The following POU2F1 variants were observed in gnomAD, a reference collection of about 807,000 sequenced individuals.
POU2F1 encodes the protein POU domain, class 2, transcription factor 1.
In POU2F1, 16 loss-of-function variants were observed where a neutral mutation model predicts 84.9. The ratio of observed to expected loss-of-function variants is 0.19; its 90% CI spans 0.13 to 0.29. The LOEUF (loss-of-function observed/expected upper bound fraction) is 0.29. Ranked by LOEUF, POU2F1 falls within the 10% of genes least tolerant of loss-of-function variation. POU2F1 has a pLI of 1.00. For missense variants in POU2F1, 738 were observed against 942.6 expected (o/e 0.78, Z 2.84); for synonymous variants, 368 against 368.3 (o/e 1.00, Z 0.01).
At chr1:167,309,327 T>C (rs1655299699) in intron 1 of POU2F1, among the ~76,000 whole-genome samples, 1 of 152,218 alleles carries the variant, frequency 6.6e-6, no homozygotes, top group Admixed American at 6.5e-5. Context: ...ATTGACTTTA[T>C]ACCAAAACTT....
chr1:167,408,888 TC>T (rs1649767601), intron 13 of POU2F1, among the ~76,000 whole-genome samples: 1 of 152,246 alleles, frequency 6.6e-6, no homozygotes, highest in South Asian at 2.1e-4. Flanking sequence ...CATTTAAAAA[TC>T]TAAGTTGTTT....
intron 1 of POU2F1, among the ~76,000 whole-genome samples, chr1:167,306,728 T>A (rs755243047): frequency 1.3e-5 from 2 of 152,180 alleles, no homozygotes; most frequent in African/African-American, 2.4e-5. Context: ...GTTCCATCCC[T>A]CTCTTCTTGT....
intron 9 of POU2F1, among the ~76,000 whole-genome samples, chr1:167,394,277 T>TCTAA (rs914041500): frequency 2.5e-4 from 38 of 152,270 alleles, no homozygotes; most frequent in African/African-American, 9.1e-4. Context: ...CGCCTGGGCC[T>TCTAA]CTTAAAGTGC....
intron 2 of POU2F1, among the ~76,000 whole-genome samples, chr1:167,335,374 G>A (rs1433842584): frequency 6.6e-6 from 1 of 152,158 alleles, no homozygotes; most frequent in African/African-American, 2.4e-5. Context: ...ATTTGTGTAT[G>A]TTTATAGGTC....
chr1:167,290,792 C>T (rs914956990), intron 1 of POU2F1, among the ~76,000 whole-genome samples: 2 of 152,102 alleles, frequency 1.3e-5, no homozygotes, highest in Non-Finnish European at 2.9e-5. Context: ...CCTGTAATCC[C>T]AACACTGGGA....
At chr1:167,380,510 G>T (rs1162050476) in intron 7 of POU2F1, 1 of 152,224 alleles carries the variant, frequency 6.6e-6, no homozygotes, top group Admixed American at 6.5e-5. Flanking sequence ...TTAGTCGTAT[G>T]TGACCTAGAT....
rs1376569708 is a variant in POU2F1, at chr1:167,425,265, C to G, written c.*9455C>G. On this transcript the variant is annotated 3_prime_UTR_variant, in exon 16 of 16. Transcript: ENST00000367866. Reference sequence around the variant, plus strand: ...TTTGTTTTGTTTTTCAAATTTCCAGCCAAAACCAAAGATTTCTTAATGATT... The same window carrying G: ...TTTGTTTTGTTTTTCAAATTTCCAGGCAAAACCAAAGATTTCTTAATGATT... The G allele has an allele frequency of 6.6e-6, 1 of 151,864 alleles. No homozygotes were observed. Among genetic ancestry groups the G allele is most frequent in the African/African-American group, 2.4e-5 (1 of 41,330 alleles). 9.4% of individuals were successfully genotyped at this position (151,864 alleles called of 1,614,324 possible).
chr1:167,363,389 A>G (rs1659469999), intron 2 of POU2F1, among the ~76,000 whole-genome samples: 1 of 152,156 alleles, frequency 6.6e-6, no homozygotes, highest in Non-Finnish European at 1.5e-5. Flanking sequence ...TTTTTCCTCC[A>G]GTTTTATTGA....
chr1:167,225,996 A>T (rs1245492983), intron 1 of POU2F1, among the ~76,000 whole-genome samples: 1 of 152,254 alleles, frequency 6.6e-6, no homozygotes. Context: ...GATTTTAAGC[A>T]GGAATGTGTT....
intron 2 of POU2F1, among the ~76,000 whole-genome samples, chr1:167,363,246 C>A (rs563688873): frequency 7.9e-4 from 121 of 152,208 alleles, no homozygotes; most frequent in African/African-American, 2.8e-3. Flanking sequence ...ATATTTGGTT[C>A]TGGAAGACCT....
At chr1:167,371,727 G>T (rs1036415204) in intron 4 of POU2F1, among the ~76,000 whole-genome samples, 190 bp from the exon 5 acceptor site, 1 of 152,102 alleles carries the variant, frequency 6.6e-6, no homozygotes, top group African/African-American at 2.4e-5. Context: ...AGCTTTGCTG[G>T]CATTAGAATT....
chr1:167,304,322 C>T lies in POU2F1; in HGVS notation c.62-28148C>T, dbSNP rs376711592. Among the ~76,000 whole-genome samples, 87 of 152,142 alleles carry T rather than the reference C, an allele frequency of 5.7e-4. No homozygotes were observed. The South Asian group carries it at 0.015, about 25-fold the overall frequency. ...GTATGTATTATTTTATTTAAGCCTA[C>T]GAAGAACTCTTGAGAGTATTACTGT... On this transcript the variant is annotated intron_variant, in intron 1 of 15. Coordinates refer to ENST00000367866, the MANE Select transcript of POU2F1 (RefSeq NM_002697.4).
At chr1:167,295,318 T>A (rs1381796085) in intron 1 of POU2F1, among the ~76,000 whole-genome samples, 1 of 152,168 alleles carries the variant, frequency 6.6e-6, no homozygotes. Flanking sequence ...GAAAATGTGA[T>A]ATGTATACAC....
chr1:167,259,955 T>C (rs532161836), intron 1 of POU2F1, among the ~76,000 whole-genome samples: 1 of 152,220 alleles, frequency 6.6e-6, no homozygotes, highest in South Asian at 2.1e-4. Context: ...CTCAGCTCAC[T>C]GCAAGCTTCG....
intron 1 of POU2F1, among the ~76,000 whole-genome samples, chr1:167,249,950 G>T (rs1650598921): frequency 6.6e-6 from 1 of 152,092 alleles, no homozygotes; most frequent in African/African-American, 2.4e-5. Flanking sequence ...GCTGTCAGAT[G>T]GTAGATACTT....
intron 7 of POU2F1, among the ~76,000 whole-genome samples, chr1:167,378,217 T>G (rs1442278137): frequency 1.3e-5 from 2 of 152,146 alleles, no homozygotes; most frequent in African/African-American, 4.8e-5. Context: ...CTGTTATTTT[T>G]TGAGTTTTTT....
intron 1 of POU2F1, among the ~76,000 whole-genome samples, chr1:167,314,292 A>G (rs1655722321): frequency 6.6e-6 from 1 of 152,186 alleles, no homozygotes; most frequent in Admixed American, 6.5e-5. Context: ...AAGGGTGTTC[A>G]GTATTACTAG....
At chr1:167,386,226 T>C (rs1647966889) in intron 8 of POU2F1, among the ~76,000 whole-genome samples, 1 of 152,206 alleles carries the variant, frequency 6.6e-6, no homozygotes, top group Non-Finnish European at 1.5e-5. Context: ...AAGGTCTTGC[T>C]CTGTCACCCA....
chr1:167,272,167 GT>G (rs1189267008), intron 1 of POU2F1, among the ~76,000 whole-genome samples: 19 of 152,004 alleles, frequency 1.2e-4, no homozygotes, highest in Admixed American at 1.2e-3. Flanking sequence ...ACAGTATACA[GT>G]TTTTTGTAAG....
Sources: gnomAD v4.1 joint callset for allele counts (sites outside exome capture counted in the v4.1 genomes callset) on GRCh38, gnomAD v4.1.1 for gene constraint, MANE v1.5 for transcripts, NCBI Gene and HGNC (gene_info 2026-07-23, HGNC 2026-07-21) for gene names.